CNTN5: variants seen among roughly 807,000 people sequenced by gnomAD.
CNTN5 encodes contactin 5.
Under a neutral mutation model 129.1 loss-of-function variants are expected in CNTN5, and 77 were observed. The observed-to-expected ratio is 0.60, with a 90% CI of 0.50 to 0.72. The LOEUF is 0.72. Among genes scored for constraint, CNTN5 ranks in the 30% least tolerant of loss-of-function variants. CNTN5 has a pLI of 0.00. For missense variants in CNTN5, 1,478 were observed against 1,328.8 expected (o/e 1.11, Z -1.75); for synonymous variants, 509 against 465.6 (o/e 1.09, Z -1.20).
At chr11:99,452,372 G>GTTTTT (rs71463577) in intron 2 of CNTN5, among the ~76,000 whole-genome samples, 33,155 of 102,394 alleles carry the variant, frequency 0.32, 3,403 homozygotes, top group Non-Finnish European at 0.36. Flanking sequence ...AAACACAGGT[G>GTTTTT]TTTTTTTTTT....
chr11:99,954,778 G>A (rs1330786435), intron 7 of CNTN5, among the ~76,000 whole-genome samples: 3 of 152,100 alleles, frequency 2.0e-5, no homozygotes, highest in African/African-American at 7.2e-5. Flanking sequence ...TGCAAACTCA[G>A]GTTGTCAGCT....
chr11:100,096,137 A>G (rs934774712), intron 13 of CNTN5, among the ~76,000 whole-genome samples: 2 of 152,002 alleles, frequency 1.3e-5, no homozygotes, highest in African/African-American at 4.8e-5. Flanking sequence ...TGAAATTCCT[A>G]GTAATTTTTG....
chr11:99,283,615 A>G (rs1863798724), intron 1 of CNTN5, among the ~76,000 whole-genome samples: 1 of 152,190 alleles, frequency 6.6e-6, no homozygotes, highest in Non-Finnish European at 1.5e-5. Flanking sequence ...TTTGGTGCAT[A>G]GCATTGTATT....
chr11:99,100,850 A>T (rs1052083164), intron 1 of CNTN5, among the ~76,000 whole-genome samples: 8 of 152,232 alleles, frequency 5.3e-5, no homozygotes, highest in Non-Finnish European at 1.0e-4. Flanking sequence ...GGAGATATAG[A>T]AACATAGAAC....
intron 1 of CNTN5, among the ~76,000 whole-genome samples, chr11:99,134,173 G>A (rs1012140735): frequency 6.6e-6 from 1 of 152,114 alleles, no homozygotes; most frequent in African/African-American, 2.4e-5. Context: ...CACACCTCAT[G>A]TTCTCACTTC....
At chr11:99,830,191 A>G (rs984779513) in intron 4 of CNTN5, among the ~76,000 whole-genome samples, 9 of 152,122 alleles carry the variant, frequency 5.9e-5, no homozygotes, top group African/African-American at 2.2e-4. Context: ...GATGGCGGAA[A>G]TGGTGGTCCT....
At chr11:99,679,704 G>C (rs537710796) in intron 3 of CNTN5, among the ~76,000 whole-genome samples, 2 of 152,272 alleles carry the variant, frequency 1.3e-5, no homozygotes, top group Admixed American at 6.5e-5. Flanking sequence ...GCCTCTAAGT[G>C]TTCAAATTGA....
chr11:99,754,156 G>A (rs560226602), intron 3 of CNTN5, among the ~76,000 whole-genome samples: 2 of 152,292 alleles, frequency 1.3e-5, no homozygotes, highest in South Asian at 4.1e-4. Flanking sequence ...TGCTTAGCGT[G>A]TGTATCTTCA....
intron 3 of CNTN5, among the ~76,000 whole-genome samples, chr11:99,556,996 C>T (rs918417072): frequency 3.3e-5 from 5 of 151,118 alleles, no homozygotes; most frequent in Non-Finnish European, 5.9e-5. Context: ...AATTTAAGCG[C>T]TATGCATGTA....
chr11:100,177,127 A>G (rs999282966), intron 13 of CNTN5, among the ~76,000 whole-genome samples: 1 of 152,062 alleles, frequency 6.6e-6, no homozygotes, highest in African/African-American at 2.4e-5. Context: ...GAAGGAAAGG[A>G]GCAAAGACTA....
At chr11:99,262,846 A>C (rs189928355) in intron 1 of CNTN5, among the ~76,000 whole-genome samples, 1 of 152,186 alleles carries the variant, frequency 6.6e-6, no homozygotes, top group East Asian at 1.9e-4. Flanking sequence ...CTTACAATTT[A>C]TTCTTTCTCC....
intron 1 of CNTN5, among the ~76,000 whole-genome samples, chr11:99,156,025 A>G (rs1308804606): frequency 2.0e-5 from 3 of 152,098 alleles, no homozygotes; most frequent in Non-Finnish European, 4.4e-5. Context: ...TGATCTTTGC[A>G]ATAAAAAGTT....
At chr11:99,373,012 C>A (rs1435178278) in intron 2 of CNTN5, among the ~76,000 whole-genome samples, 1 of 151,980 alleles carries the variant, frequency 6.6e-6, no homozygotes, top group East Asian at 1.9e-4. Context: ...AGTTTGAGCC[C>A]AGACTGGCCA....
At position 99,409,207 on chromosome 11, in the gene CNTN5, G is replaced by A. The variant is rs553176232; in HGVS notation, c.-71+83723G>A. 3.9e-5 allele frequency among the ~76,000 whole-genome samples: 6 copies of A among 152,296 alleles called. No individual in the cohort carries two copies. In the South Asian group the frequency reaches 6.2e-4, roughly 16 times the overall value. ...CGGCCAGGCACGATGGCTCAGGCCC[G>A]TAATCCCAGCACTTTGGGAGGCCAT... is the stretch of plus-strand genomic sequence containing the variant. On this transcript the variant is annotated intron_variant, in intron 2 of 24. Coordinates refer to ENST00000524871, the MANE Select transcript of CNTN5 (RefSeq NM_014361.4).
At chr11:99,501,039 TTC>T in intron 2 of CNTN5, among the ~76,000 whole-genome samples, 1 of 152,300 alleles carries the variant, frequency 6.6e-6, no homozygotes, top group South Asian at 2.1e-4. Flanking sequence ...TTTGTATATA[TTC>T]TCTGTTTTGT....
intron 13 of CNTN5, among the ~76,000 whole-genome samples, chr11:100,085,202 T>C (rs7936571): frequency 0.79 from 120,614 of 151,788 alleles, 48,860 homozygotes; most frequent in East Asian, 1. Flanking sequence ...TGTCAATTTC[T>C]CACAATGATG....
intron 3 of CNTN5, among the ~76,000 whole-genome samples, chr11:99,701,375 C>T (rs1954512609): frequency 6.6e-6 from 1 of 150,950 alleles, no homozygotes; most frequent in African/African-American, 2.4e-5. Context: ...TTGATATAAC[C>T]ATCTATTTTT....
chr11:99,339,415 T>C (rs1188977817), intron 2 of CNTN5, among the ~76,000 whole-genome samples: 1 of 152,058 alleles, frequency 6.6e-6, no homozygotes, highest in Non-Finnish European at 1.5e-5. Flanking sequence ...CAATGTTTGC[T>C]CTGAGGCATA....
At chr11:99,657,437 A>G (rs771858564) in intron 3 of CNTN5, among the ~76,000 whole-genome samples, 12 of 152,100 alleles carry the variant, frequency 7.9e-5, no homozygotes, top group Non-Finnish European at 1.5e-4. Context: ...TACTCTTGAA[A>G]CAGTCTCCAT....
Sources: allele counts gnomAD v4.1 joint callset (sites outside exome capture counted in the v4.1 genomes callset), GRCh38; gene constraint gnomAD v4.1.1; transcripts MANE v1.5; gene names NCBI Gene and HGNC (gene_info 2026-07-23, HGNC 2026-07-21).